ASB15: variants seen among roughly 807,000 people sequenced by gnomAD.
ASB15 encodes ankyrin repeat and SOCS box protein 15.
A neutral mutation model predicts 58.0 loss-of-function variants in ASB15; 54 were observed. The observed-to-expected ratio is 0.93, with a 90% confidence interval of 0.75 to 1.17. The LOEUF is 1.17. Ranked by LOEUF, ASB15 falls within the 50% of genes most tolerant of loss-of-function variation. ASB15 has a pLI of 0.00. For synonymous variants in ASB15, 249 were observed against 262.4 expected, an observed-to-expected ratio of 0.95 and a Z score of 0.50; for missense variants, 680 against 707.4, an observed-to-expected ratio of 0.96 and a Z score of 0.44.
chr7:123,616,540 T>C (rs747477098), intron 6 of ASB15, 45 bp downstream of exon 6: 46 of 1,560,544 alleles, frequency 2.9e-5, no homozygotes, highest in Non-Finnish European at 4.4e-6. Context: ...AGCAAGAATG[T>C]TGATATGTTG....
chr7:123,582,704 C>T (rs142121039), intron 1 of ASB15, among the ~76,000 whole-genome samples: 2 of 152,032 alleles, frequency 1.3e-5, no homozygotes, highest in East Asian at 3.9e-4. Context: ...GACTTTATAT[C>T]GTCTAAGGCA....
chr7:123,629,678 G>T (rs1358477063), intron 10 of ASB15, among the ~76,000 whole-genome samples: 2 of 151,934 alleles, frequency 1.3e-5, no homozygotes, highest in Non-Finnish European at 2.9e-5. Flanking sequence ...ATGTGAAAAT[G>T]TATGTAATTA....
At chr7:123,592,416 G>C (rs985029538) in intron 1 of ASB15, among the ~76,000 whole-genome samples, 1 of 152,118 alleles carries the variant, frequency 6.6e-6, no homozygotes, top group Non-Finnish European at 1.5e-5. Context: ...TCTCTTGTGG[G>C]CATTTAGTGC....
At position 123,636,975 on chromosome 7, in the gene ASB15, G is replaced by A. The variant is rs377243871; in HGVS notation, c.1761G>A (p.Leu587=). The change falls in exon 12 of 12, where the codon TTG becomes TTA. Residue 587 remains leucine, a synonymous_variant. Coordinates refer to ENST00000451215, the MANE Select transcript of ASB15 (RefSeq NM_001290258.2). ...EYDLYGQELK[L]T ...ATCTCTATGGACAAGAGCTAAAATT[G>A]ACATAACTTAATATTTTAAAATGTG... is the stretch of plus-strand genomic sequence containing the variant. The A allele has an allele frequency of 6.6e-7, 1 of 1,511,574 alleles. No homozygotes were observed. The highest frequency in any genetic ancestry group is 1.4e-5 in the African/African-American group (1 of 71,328). 93.6% of individuals were successfully genotyped at this position (1,511,574 alleles called of 1,614,324 possible). A position where few individuals can be genotyped will look rare whatever the true frequency, so the allele number is the denominator to read the frequency against.
intron 1 of ASB15, 141 bp from the exon 2 acceptor site, chr7:123,603,891 A>G (rs905195740): frequency 6.6e-6 from 1 of 152,244 alleles, no homozygotes; most frequent in Non-Finnish European, 1.5e-5. Context: ...CTGAACTTGG[A>G]CTAAATTAAC....
At chr7:123,636,753 A>C (rs1802445518) in intron 11 of ASB15, 56 bp from the exon 12 acceptor site, 2 of 1,414,244 alleles carry the variant, frequency 1.4e-6, no homozygotes, top group Non-Finnish European at 9.8e-7. Flanking sequence ...GTCATATCTT[A>C]GGGGCCAATC....
intron 1 of ASB15, among the ~76,000 whole-genome samples, chr7:123,575,068 T>C (rs1452074451): frequency 6.6e-6 from 1 of 151,696 alleles, no homozygotes; most frequent in Admixed American, 6.6e-5. Context: ...TCCTTTTTTT[T>C]TTTTTTTTGG....
chr7:123,583,623 G>T (rs1047540084), intron 1 of ASB15, among the ~76,000 whole-genome samples: 2 of 151,936 alleles, frequency 1.3e-5, no homozygotes, highest in East Asian at 3.9e-4. Flanking sequence ...CATAAAGTAA[G>T]TCAAACAAAA....
In ASB15 at chr7:123,594,559, A is replaced by C. The variant is rs189462699; in HGVS notation, c.-442-9473A>C. On this transcript the variant is annotated intron_variant, in intron 1 of 13. Coordinates refer to the ASB15 transcript ENST00000451558. ...GGCCCCTCAGCTGCAAGTCTGTTGG[A>C]GTTTGCTGGAGGTCCACTCCAGACC... is the stretch of plus-strand genomic sequence containing the variant. Among the ~76,000 whole-genome samples, 345 of 152,042 alleles carry C rather than the reference A, an allele frequency of 2.3e-3. 1 individual carries two copies. The highest frequency in any genetic ancestry group is 8.8e-3 in the South Asian group (42 of 4,798).
At chr7:123,618,460 G>C (rs1367843426) in intron 7 of ASB15, among the ~76,000 whole-genome samples, 2 of 152,112 alleles carry the variant, frequency 1.3e-5, no homozygotes, top group African/African-American at 2.4e-5. Flanking sequence ...GCAATCATGG[G>C]CCTCAGTTTT....
chr7:123,614,533 C>T lies in ASB15; in HGVS notation c.31C>T (p.His11Tyr), dbSNP rs762346723. Residue 11 changes from histidine to tyrosine, a missense_variant, in exon 4 of 12, where the codon CAT becomes TAT. His to Tyr is a moderately conservative substitution (Grantham distance 83, BLOSUM62 2). Transcript: ENST00000451215. ...TACTAATGATGACCCTGATGAAGAC[C>T]ATCTTACAAGTTATGATATTCAGCT... Reference protein sequence around the residue: MDTNDDPDEDHLTSYDIQLSI... With the variant: MDTNDDPDEDYLTSYDIQLSI... 23 of 1,608,668 alleles carry T rather than the reference C, an allele frequency of 1.4e-5. No homozygotes were observed. Among genetic ancestry groups the T allele is most frequent in the Non-Finnish European group, 1.8e-5 (21 of 1,175,706 alleles).
intron 1 of ASB15, among the ~76,000 whole-genome samples, chr7:123,585,317 A>G (rs1290010613): frequency 6.6e-6 from 1 of 151,716 alleles, no homozygotes; most frequent in Non-Finnish European, 1.5e-5. Context: ...AAGCAAATTT[A>G]TCCAAGCAGA....
intron 1 of ASB15, among the ~76,000 whole-genome samples, chr7:123,595,424 G>A (rs1017608139): frequency 7.2e-5 from 11 of 152,106 alleles, no homozygotes; most frequent in African/African-American, 2.4e-4. Flanking sequence ...TCTGTGTCGG[G>A]TTATTCTTTG....
intron 1 of ASB15, among the ~76,000 whole-genome samples, chr7:123,591,727 C>T (rs565820164): frequency 5.3e-4 from 80 of 152,184 alleles, no homozygotes; most frequent in African/African-American, 1.7e-3. Context: ...ATTTTCACAT[C>T]GATGTTCATC....
At chr7:123,608,928 C>T (rs1333609038) in intron 3 of ASB15, 3 of 145,872 alleles carry the variant, frequency 2.1e-5, no homozygotes, top group Non-Finnish European at 3.0e-5. Flanking sequence ...AATGAGAATT[C>T]GTATTGTTTG....
intron 3 of ASB15, chr7:123,612,366 G>A (rs1183184388): frequency 6.6e-6 from 1 of 152,228 alleles, no homozygotes; most frequent in Non-Finnish European, 1.5e-5. Context: ...TTTCCTCTCA[G>A]AAAACCAATG....
In ASB15 at chr7:123,629,313, A is replaced by G; in HGVS notation, c.1319A>G (p.Tyr440Cys). 6.2e-7 allele frequency: 1 copy of G among 1,614,096 alleles called. No homozygotes were observed. Among genetic ancestry groups the G allele is most frequent in the Non-Finnish European group, 8.5e-7 (1 of 1,179,952 alleles). ...CTGAGGCTATTGCTGAATAATGGCT[A>G]TCAAGTGGAGATGTGCTTTGACTGC... Reference protein sequence around the residue: ...VMLRLLLNNGYQVEMCFDCMH... With the variant: ...VMLRLLLNNGCQVEMCFDCMH... The change falls in exon 10 of 12, where the codon TAT (tyrosine) becomes TGT (cysteine). Residue 440 changes from tyrosine to cysteine, a missense_variant. By Grantham distance (194) the Tyr-to-Cys change is radical. Transcript: ENST00000451215.
intron 1 of ASB15, among the ~76,000 whole-genome samples, chr7:123,575,185 T>C (rs186674897): frequency 1.3e-5 from 2 of 152,192 alleles, no homozygotes; most frequent in East Asian, 3.9e-4. Context: ...ACATTATATT[T>C]ATATTACATA....
chr7:123,628,514 T>A, intron 9 of ASB15, among the ~76,000 whole-genome samples: 1 of 152,210 alleles, frequency 6.6e-6, no homozygotes, highest in East Asian at 1.9e-4. Flanking sequence ...AGGCTTACTT[T>A]TCTTCTACAT....
Sources: allele counts gnomAD v4.1 joint callset (sites outside exome capture counted in the v4.1 genomes callset), GRCh38; gene constraint gnomAD v4.1.1; transcripts MANE v1.5; gene names NCBI Gene and HGNC (gene_info 2026-07-23, HGNC 2026-07-21).